The following NPAS4 variants were observed in gnomAD, a reference collection of about 807,000 sequenced individuals.
The protein encoded by NPAS4 is neuronal PAS domain protein 4, also known as neuronal PAS domain-containing protein 4.
Under a neutral mutation model 64.0 loss-of-function variants are expected in NPAS4, and 10 were observed. That is an observed-to-expected ratio of 0.16 (90% CI 0.10 to 0.26). The LOEUF (loss-of-function observed/expected upper bound fraction) is 0.26, where lower values mean the gene tolerates loss of function less well. Among genes scored for constraint, NPAS4 ranks in the 10% least tolerant of loss-of-function variants. NPAS4 has a pLI of 1.00. For synonymous variants in NPAS4, 441 were observed against 411.7 expected, an observed-to-expected ratio of 1.07 and a Z score of -0.86; for missense variants, 886 against 992.6, an observed-to-expected ratio of 0.89 and a Z score of 1.44.
intron 1 of NPAS4, among the ~76,000 whole-genome samples, chr11:66,421,850 A>C (rs937152957): frequency 3.3e-5 from 5 of 152,194 alleles, no homozygotes; most frequent in African/African-American, 1.2e-4. Context: ...CGGTTCTGAA[A>C]TTCAGAGCCG....
At chr11:66,415,363 A>G in the NPAS4 span, among the ~76,000 whole-genome samples, 1 of 152,182 alleles carries the variant, frequency 6.6e-6, no homozygotes, top group African/African-American at 2.4e-5. Context: ...AGCTTGGTAT[A>G]CCCTGGGTTA....
chr11:66,419,838 G>A (rs1233425019), upstream of NPAS4, among the ~76,000 whole-genome samples: 1 of 152,194 alleles, frequency 6.6e-6, no homozygotes, highest in Non-Finnish European at 1.5e-5. Context: ...GCGCAAATGT[G>A]GAGAGGGGTG....
upstream of NPAS4, among the ~76,000 whole-genome samples, chr11:66,418,279 G>T (rs938706920): frequency 2.0e-5 from 3 of 152,068 alleles, no homozygotes; most frequent in Non-Finnish European, 4.4e-5. Flanking sequence ...AGAGAGTGGG[G>T]TGACTCAGCC....
At chr11:66,415,485 T>C in the NPAS4 span, among the ~76,000 whole-genome samples, 2 of 152,224 alleles carry the variant, frequency 1.3e-5, no homozygotes, top group African/African-American at 2.4e-5. Context: ...TAGTAAAAAG[T>C]GTCAAAAAGT....
chr11:66,418,234 C>T (rs967502322), upstream of NPAS4, among the ~76,000 whole-genome samples: 1 of 152,170 alleles, frequency 6.6e-6, no homozygotes, highest in African/African-American at 2.4e-5. Flanking sequence ...GCTTCTAATT[C>T]TTAGCTTGTT....
rs1389453224 is a variant in NPAS4 at position 66,424,577 on chromosome 11, G to T, written c.1687G>T (p.Ala563Ser). The change falls in exon 7 of 8, where the codon GCC (alanine) becomes TCC (serine). Residue 563 changes from alanine (A) to serine (S), a missense_variant. Coordinates refer to ENST00000311034, the MANE Select transcript of NPAS4 (RefSeq NM_178864.4). ...CCCCAACCCTACCAAGACTTACTTT[G>T]CCCAGGAGGGATGCAGTTTTCTCTA... ...LSPNPTKTYF[A>S]QEGCSFLYEK... 2.5e-6 allele frequency: 4 copies of T among 1,614,042 alleles called. No individual in the cohort carries two copies. Among genetic ancestry groups the T allele is most frequent in the East Asian group, 4.5e-5 (2 of 44,890 alleles).
upstream of NPAS4, among the ~76,000 whole-genome samples, chr11:66,420,088 G>A (rs962229626): frequency 6.6e-6 from 1 of 152,224 alleles, no homozygotes; most frequent in Admixed American, 6.5e-5. Flanking sequence ...CCCGGCCCGC[G>A]GGGAGACAGA....
chr11:66,424,262 C>G lies in NPAS4; in HGVS notation c.1372C>G (p.Gln458Glu), dbSNP rs367752304. The stretch of plus-strand genomic sequence containing the variant: ...CACCCCATCCAGCACTCTTCAAGAA[C>G]AGCTGACTCCAAGCACTGCGACCTT... ...LPTPSSTLQE[Q>E]LTPSTATFSD... Residue 458 changes from glutamine (Q) to glutamate (E), a missense_variant, in exon 7 of 8, where the codon CAG (glutamine) becomes GAG (glutamate). Coordinates refer to ENST00000311034, the MANE Select transcript of NPAS4 (RefSeq NM_178864.4). 3.1e-6 allele frequency: 5 copies of G among 1,614,046 alleles called. No homozygotes were observed. The highest frequency in any genetic ancestry group is 4.2e-6 in the Non-Finnish European group (5 of 1,180,046).
chr11:66,421,165 C>T lies in NPAS4; in HGVS notation c.-15C>T, dbSNP rs551586061. 1 of 1,582,154 alleles carries T rather than the reference C, an allele frequency of 6.3e-7. No individual in the cohort carries two copies. Among genetic ancestry groups the T allele is most frequent in the Admixed American group, 1.8e-5 (1 of 55,114 alleles). On this transcript the variant is annotated 5_prime_UTR_variant, in exon 1 of 8. Coordinates refer to ENST00000311034, the MANE Select transcript of NPAS4 (RefSeq NM_178864.4). Reference sequence around the variant, plus strand: ...GTGCTCGGGCACCCGAGCTGGAGCTCCGCAGCCGCCGGTCATGTACCGCTC... The same window carrying T: ...GTGCTCGGGCACCCGAGCTGGAGCTTCGCAGCCGCCGGTCATGTACCGCTC...
chr11:66,422,637 C>T, intron 3 of NPAS4, 37 bp from the exon 4 acceptor site: 5 of 1,611,896 alleles, frequency 3.1e-6, no homozygotes, highest in Non-Finnish European at 4.2e-6. Context: ...CTCTCAGCCA[C>T]TCACCCTCTT....
chr11:66,417,395 G>A (rs1856683394), upstream of NPAS4, among the ~76,000 whole-genome samples: 1 of 152,056 alleles, frequency 6.6e-6, no homozygotes, highest in South Asian at 2.1e-4. Flanking sequence ...CAAATATGGA[G>A]TGATGGAAAA....
At chr11:66,418,108 G>C (rs1004344490), upstream of NPAS4, among the ~76,000 whole-genome samples, 1 of 152,124 alleles carries the variant, frequency 6.6e-6, no homozygotes, top group African/African-American at 2.4e-5. Context: ...AGTAGGTTTG[G>C]CTGAGAGGCT....
rs1017474556 is a variant in NPAS4 at position 66,426,134 on chromosome 11, G to T, written c.*145G>T. ...CCCCAGGCCCTGCAGGATTTTGGGG[G>T]GGGGGAGGTGGGAGGGCAAGGGAGG... On this transcript the variant is annotated 3_prime_UTR_variant, in exon 8 of 8. Coordinates refer to ENST00000311034, the MANE Select transcript of NPAS4 (RefSeq NM_178864.4). 4 of 464,840 alleles carry T rather than the reference G, an allele frequency of 8.6e-6. No individual in the cohort carries two copies. Among genetic ancestry groups the T allele is most frequent in the African/African-American group, 4.0e-5 (2 of 49,428 alleles). 28.8% of individuals were successfully genotyped at this position (464,840 alleles called of 1,614,324 possible).
In NPAS4 at chr11:66,421,329, T is replaced by A. The variant is rs1812238941; in HGVS notation, c.150T>A (p.Thr50=). 1 of 1,613,946 alleles carries A rather than the reference T, an allele frequency of 6.2e-7. No individual in the cohort carries two copies. The highest frequency in any genetic ancestry group is 1.7e-5 in the Admixed American group (1 of 60,006). ...TCATGAGCCTCGCCTGCATCTACACTCGCAAGGGCGTCTTCTTCGCTGGTG... is the reference window on the plus strand; with the variant it reads ...TCATGAGCCTCGCCTGCATCTACACACGCAAGGGCGTCTTCTTCGCTGGTG... The part of the protein sequence containing the change: ...LHIMSLACIY[T]RKGVFFAGGT... Residue 50 remains threonine (T), a synonymous_variant, in exon 1 of 8, where the codon ACT becomes ACA. Transcript: ENST00000311034.
At position 66,423,799 on chromosome 11, in the gene NPAS4, C is replaced by A. The variant is rs527959196; in HGVS notation, c.945-36C>A. ...AGGGAACTGCTCTGGATATGGACGT[C>A]GGACCCTTACCAGCTGCCTCTTCTC... On this transcript the variant is annotated intron_variant, in intron 6 of 7. Coordinates refer to ENST00000311034, the MANE Select transcript of NPAS4 (RefSeq NM_178864.4). 35 of 1,600,452 alleles carry A rather than the reference C, an allele frequency of 2.2e-5. No homozygotes were observed. The South Asian group carries it at 3.9e-4, about 18-fold the overall frequency.
Position 66,424,612 on chromosome 11 carries a change from G to GC in NPAS4, c.1727dup (p.Ser577LysfsTer3). The GC allele has an allele frequency of 6.2e-7, 1 of 1,614,094 alleles. No homozygotes were observed. The highest frequency in any genetic ancestry group is 8.5e-7 in the Non-Finnish European group (1 of 1,180,012). On this transcript the variant is annotated frameshift_variant, in exon 7 of 8. Coordinates refer to ENST00000311034, the MANE Select transcript of NPAS4 (RefSeq NM_178864.4). LOFTEE classifies it high-confidence loss of function. ...GATGCAGTTTTCTCTATGAGAAGTT[G>GC]CCCCCAAGTCCTAGCAGCCCTGGTA... is the stretch of plus-strand genomic sequence containing the variant.
chr11:66,423,417 C>A, intron 5 of NPAS4, 161 bp from the exon 6 acceptor site: 2 of 871,436 alleles, frequency 2.3e-6, no homozygotes, highest in Non-Finnish European at 3.6e-6. Flanking sequence ...CTGGGGGACT[C>A]TGAGTGGTGA....
chr11:66,416,051 A>G (rs1016742308), upstream of NPAS4, among the ~76,000 whole-genome samples: 1 of 152,228 alleles, frequency 6.6e-6, no homozygotes, highest in Non-Finnish European at 1.5e-5. Context: ...GCAGTGAGCT[A>G]TGATCAGGCC....
upstream of NPAS4, among the ~76,000 whole-genome samples, chr11:66,419,827 G>A (rs1856711957): frequency 6.6e-6 from 1 of 152,224 alleles, no homozygotes; most frequent in Non-Finnish European, 1.5e-5. Flanking sequence ...GAGCCTTAGA[G>A]GCGCAAATGT....
Sources: allele counts gnomAD v4.1 joint callset (sites outside exome capture counted in the v4.1 genomes callset), GRCh38; gene constraint gnomAD v4.1.1; transcripts MANE v1.5; gene names NCBI Gene and HGNC (gene_info 2026-07-23, HGNC 2026-07-21).